Variants in SLC20A1 observed in about 807,000 individuals in gnomAD.
The protein encoded by SLC20A1 is sodium-dependent phosphate transporter 1.
A neutral mutation model predicts 62.7 loss-of-function variants in SLC20A1; 28 were observed. The ratio of observed to expected loss-of-function variants is 0.45; its 90% CI spans 0.33 to 0.61. The LOEUF is 0.61. Among genes scored for constraint, SLC20A1 ranks in the 20% least tolerant of loss-of-function variants. The pLI is 0.02. For missense variants in SLC20A1, 673 were observed against 838.6 expected (o/e 0.80, Z 2.44); for synonymous variants, 305 against 302.9 (o/e 1.01, Z -0.07).
chr2:112,652,817 A>C lies in SLC20A1; in HGVS notation c.658+19A>C. 6.2e-7 allele frequency: 1 copy of C among 1,610,850 alleles called. No homozygotes were observed. Among genetic ancestry groups the C allele is most frequent in the Non-Finnish European group, 8.5e-7 (1 of 1,177,018 alleles). ...GCACCGTGTAAGTACCTATCAAAAT[A>C]TTTAAATGTGAATTTAAAGTTGTTT... On this transcript the variant is annotated intron_variant, in intron 5 of 10. Coordinates refer to ENST00000272542, the MANE Select transcript of SLC20A1 (RefSeq NM_005415.5).
intron 4 of SLC20A1, among the ~76,000 whole-genome samples, chr2:112,650,891 G>C (rs1461039726): frequency 2.6e-5 from 4 of 152,204 alleles, no homozygotes; most frequent in African/African-American, 9.6e-5. Flanking sequence ...CAAAGTGCTA[G>C]GATTACAGAC....
rs1035418262 is a variant in SLC20A1, at chr2:112,663,378, A to G, written c.*353A>G. On this transcript the variant is annotated 3_prime_UTR_variant, in exon 11 of 11. Transcript: ENST00000272542. ...GATTTTTTTTTCTTTTTTTTAAACC[A>G]TGAAGAGCCGTTTGACAGAGCATGC... is the stretch of plus-strand genomic sequence containing the variant. 1.4e-5 allele frequency: 5 copies of G among 353,714 alleles called. No homozygotes were observed. Among genetic ancestry groups the G allele is most frequent in the East Asian group, 7.6e-5 (1 of 13,110 alleles). 21.9% of individuals were successfully genotyped at this position (353,714 alleles called of 1,614,324 possible).
In SLC20A1 at chr2:112,658,996, T is replaced by C; in HGVS notation, c.950T>C (p.Val317Ala). The change falls in exon 7 of 11, where the codon GTC becomes GCC. Residue 317 changes from valine (V) to alanine (A), a missense_variant. By Grantham distance (64) the Val-to-Ala change is moderately conservative. Coordinates refer to ENST00000272542, the MANE Select transcript of SLC20A1 (RefSeq NM_005415.5). Reference protein sequence around the residue: ...PLQAVVEERTVSFKLGDLEEA... With the variant: ...PLQAVVEERTASFKLGDLEEA... ...CAGGCTGTGGTGGAGGAGAGAACAGTCTCATTCAAACTTGGAGATTTGGAG... is the reference window on the plus strand; with the variant it reads ...CAGGCTGTGGTGGAGGAGAGAACAGCCTCATTCAAACTTGGAGATTTGGAG... 1 of 1,614,132 alleles carries C rather than the reference T, an allele frequency of 6.2e-7. No homozygotes were observed. The highest frequency in any genetic ancestry group is 8.5e-7 in the Non-Finnish European group (1 of 1,180,022).
chr2:112,653,278 C>A (rs1347387675), intron 5 of SLC20A1: 1 of 177,264 alleles, frequency 5.6e-6, no homozygotes, highest in African/African-American at 2.4e-5. Context: ...TTACCACCTG[C>A]TCTAAGTGCA....
At chr2:112,661,054 AAGC>A (rs1403055857) in intron 9 of SLC20A1, 85 bp from the exon 10 acceptor site, 2 of 930,648 alleles carry the variant, frequency 2.1e-6, no homozygotes. Flanking sequence ...GAGTAGAACA[AAGC>A]AGGACTGTGT....
chr2:112,650,437 A>G (rs1574180945), intron 4 of SLC20A1, among the ~76,000 whole-genome samples: 1 of 151,638 alleles, frequency 6.6e-6, no homozygotes, highest in Admixed American at 6.6e-5. Context: ...GGCTCAAGCA[A>G]TTCTCCTGCC....
At chr2:112,662,837 T>A in intron 10 of SLC20A1, 27 bp from the exon 11 acceptor site, 1 of 1,610,762 alleles carries the variant, frequency 6.2e-7, no homozygotes, top group South Asian at 1.1e-5. Context: ...TTCAATAACC[T>A]GTTTCCTTGG....
At chr2:112,656,842 T>G (rs928527351) in intron 5 of SLC20A1, among the ~76,000 whole-genome samples, 4 of 152,150 alleles carry the variant, frequency 2.6e-5, no homozygotes, top group Non-Finnish European at 5.9e-5. Context: ...TCTTCCAAGG[T>G]GAAGAAAGGA....
Position 112,662,987 on chromosome 2 carries a change from A to G in SLC20A1, c.2002A>G (p.Ile668Val), listed in dbSNP as rs1484730537. Residue 668 changes from isoleucine (I) to valine (V), a missense_variant, in exon 11 of 11, where the codon ATC becomes GTC. By Grantham distance (29) the Ile-to-Val change is conservative. Transcript: ENST00000272542. ...VPISGVISAA[I>V]MAIFRYVILR... Reference sequence around the variant, plus strand: ...CATTTCTGGAGTTATCAGTGCTGCCATCATGGCAATCTTCAGATATGTCAT... The same window carrying G: ...CATTTCTGGAGTTATCAGTGCTGCCGTCATGGCAATCTTCAGATATGTCAT... 2 of 1,614,086 alleles carry G rather than the reference A, an allele frequency of 1.2e-6. No individual in the cohort carries two copies. Among genetic ancestry groups the G allele is most frequent in the Non-Finnish European group, 8.5e-7 (1 of 1,180,040 alleles).
rs1007608343 is a variant in SLC20A1, at chr2:112,645,972, C to G, written c.-424C>G. The stretch of plus-strand genomic sequence containing the variant: ...GGCTGCCGGCGCTCTCTGCGTGGTT[C>G]TTCTTCTCGGCCGCTGAAACCCCCG... On this transcript the variant is annotated 5_prime_UTR_variant, in exon 1 of 11. Coordinates refer to ENST00000272542, the MANE Select transcript of SLC20A1 (RefSeq NM_005415.5). 1 of 152,082 alleles carries G rather than the reference C, an allele frequency of 6.6e-6. No individual in the cohort carries two copies. Among genetic ancestry groups the G allele is most frequent in the Non-Finnish European group, 1.5e-5 (1 of 68,224 alleles). The allele number at this position is 152,082 out of a possible 1,614,324, so 9.4% of individuals were successfully genotyped here.
chr2:112,657,149 G>A lies in SLC20A1; in HGVS notation c.686G>A (p.Trp229Ter). 6.2e-7 allele frequency: 1 copy of A among 1,613,902 alleles called. No homozygotes were observed. The highest frequency in any genetic ancestry group is 1.3e-5 in the African/African-American group (1 of 74,932). The change falls in exon 6 of 11, where the codon TGG becomes TAG. Residue 229 changes from tryptophan (W) to a stop codon, truncating the protein, a stop_gained. Transcript: ENST00000272542. LOFTEE classifies it high-confidence loss of function. ...PLLGFDKLPL[W>*]GTILISVGCA... ...CTGGGCTTTGACAAACTTCCTCTGT[G>A]GGGTACCATCCTCATCTCGGTGGGA...
At chr2:112,649,449 A>C (rs1235240133) in intron 4 of SLC20A1, among the ~76,000 whole-genome samples, 1 of 152,228 alleles carries the variant, frequency 6.6e-6, no homozygotes, top group East Asian at 1.9e-4. Flanking sequence ...ATTTCAAGAA[A>C]ATATCCTTAG....
At chr2:112,658,544 A>G (rs905452264) in intron 6 of SLC20A1, 1 of 332,728 alleles carries the variant, frequency 3.0e-6, no homozygotes, top group Non-Finnish European at 5.5e-6. Context: ...TTGTAAAAAT[A>G]AAAACAAAAC....
chr2:112,663,206 T>C lies in SLC20A1; in HGVS notation c.*181T>C. ...GTGCTAAATATGAATTGTCTCAAAA[T>C]TAGCTGTGTAAAATAGCCCGGGTTC... On this transcript the variant is annotated 3_prime_UTR_variant, in exon 11 of 11. Transcript: ENST00000272542. 1.3e-6 allele frequency: 1 copy of C among 769,332 alleles called. No homozygotes were observed. The allele number at this position is 769,332 out of a possible 1,614,324, so 47.7% of individuals were successfully genotyped here.
At chr2:112,648,160 T>C (rs1686336892) in intron 4 of SLC20A1, among the ~76,000 whole-genome samples, 1 of 152,164 alleles carries the variant, frequency 6.6e-6, no homozygotes, top group African/African-American at 2.4e-5. Flanking sequence ...CCGTGCTGAT[T>C]ATCATAACCA....
At chr2:112,657,291 A>T in intron 6 of SLC20A1, 50 bp downstream of exon 6, 1 of 1,554,294 alleles carries the variant, frequency 6.4e-7, no homozygotes, top group South Asian at 1.2e-5. Flanking sequence ...TGTTGTGTTT[A>T]TTTTTTATTT....
At chr2:112,647,780 C>T (rs1432287595) in intron 4 of SLC20A1, 42 bp downstream of exon 4, 2 of 1,479,004 alleles carry the variant, frequency 1.4e-6, no homozygotes, top group Admixed American at 1.7e-5. Context: ...ATGGAGCACA[C>T]CCAATCGATT....
At chr2:112,655,544 CTT>C (rs774408513) in intron 5 of SLC20A1, among the ~76,000 whole-genome samples, 122 of 119,612 alleles carry the variant, frequency 1.0e-3, no homozygotes, top group Non-Finnish European at 1.9e-3. Context: ...TTTTTTTTAC[CTT>C]TTTTGTTTTT....
rs371859690 is a variant in SLC20A1 at position 112,647,750 on chromosome 2, C to T, written c.561+12C>T. ...TCATCCTCCATAAGGTAACCTTTCT[C>T]CCCCGTATGAAGACCTTTCATGGAG... On this transcript the variant is annotated intron_variant, in intron 4 of 10. Coordinates refer to ENST00000272542, the MANE Select transcript of SLC20A1 (RefSeq NM_005415.5). 52 of 1,600,680 alleles carry T rather than the reference C, an allele frequency of 3.2e-5. No homozygotes were observed. The African/African-American group carries it at 6.7e-4, about 21-fold the overall frequency.
Sources: gnomAD v4.1 joint callset for allele counts (sites outside exome capture counted in the v4.1 genomes callset) on GRCh38, gnomAD v4.1.1 for gene constraint, MANE v1.5 for transcripts, NCBI Gene and HGNC (gene_info 2026-07-23, HGNC 2026-07-21) for gene names.